The following FADS3 variants were observed in gnomAD, a reference collection of about 807,000 sequenced individuals.
FADS3 encodes cytochrome b5-related protein.
A neutral mutation model predicts 60.4 loss-of-function variants in FADS3; 30 were observed. The observed-to-expected ratio is 0.50, with a 90% CI of 0.37 to 0.67. The LOEUF (loss-of-function observed/expected upper bound fraction) is 0.67. FADS3 is among the 30% of genes least tolerant of loss of function. The pLI is 0.00. For synonymous variants in FADS3, 234 were observed against 249.3 expected (o/e 0.94, Z 0.58); for missense variants, 432 against 598.3 (o/e 0.72, Z 2.90).
intron 5 of FADS3, 136 bp from the exon 6 acceptor site, chr11:61,878,351 A>C: frequency 7.4e-7 from 1 of 1,358,246 alleles, no homozygotes; most frequent in Non-Finnish European, 1.0e-6. Flanking sequence ...CGTCCCCAGC[A>C]GGTTGGGAGG....
At chr11:61,880,017 G>C in intron 2 of FADS3, 24 bp downstream of exon 2, 1 of 1,583,010 alleles carries the variant, frequency 6.3e-7, no homozygotes. Context: ...CAGGGGCTGA[G>C]CCTCTCCTAG....
intron 1 of FADS3, among the ~76,000 whole-genome samples, chr11:61,886,060 C>T (rs1282728287): frequency 1.3e-5 from 2 of 152,090 alleles, no homozygotes; most frequent in African/African-American, 2.4e-5. Flanking sequence ...GCCTGTGTAG[C>T]GGAGCCCAAG....
intron 11 of FADS3, among the ~76,000 whole-genome samples, chr11:61,875,525 A>G (rs1311514917): frequency 6.6e-6 from 1 of 150,392 alleles, no homozygotes; most frequent in African/African-American, 2.5e-5. Flanking sequence ...GAGCCACCGC[A>G]CCCGGCCCTG....
At chr11:61,890,789 G>T (rs889296125) in intron 1 of FADS3, among the ~76,000 whole-genome samples, 3 of 152,178 alleles carry the variant, frequency 2.0e-5, no homozygotes, top group Non-Finnish European at 4.4e-5. Flanking sequence ...CCGGCCCCTG[G>T]GGACCCTGCC....
Position 61,891,234 on chromosome 11 carries a change from G to T in FADS3, c.148C>A (p.Arg50Ser). The change falls in exon 1 of 12, where the codon CGC becomes AGC. Residue 50 changes from arginine (R) to serine (S), a missense_variant. Coordinates refer to ENST00000278829, the MANE Select transcript of FADS3 (RefSeq NM_021727.5). The stretch of plus-strand genomic sequence containing the variant: ...CCCCCTGGGTGCCGCTGTGCCCAGC[G>T]GCTGATGTCGTAGACGCGGCGCTCG... Reference protein sequence around the residue: ...VIERRVYDISRWAQRHPGGSR... With the variant: ...VIERRVYDISSWAQRHPGGSR... 6.4e-7 allele frequency: 1 copy of T among 1,550,880 alleles called. No individual in the cohort carries two copies. The highest frequency in any genetic ancestry group is 8.7e-7 in the Non-Finnish European group (1 of 1,149,352).
chr11:61,891,293 G>A lies in FADS3; in HGVS notation c.89C>T (p.Ala30Val). The part of the protein sequence containing the change: ...LPTFCWEQIR[A>V]HDQPGDKWLV... ...CCACTTGTCGCCGGGCTGGTCGTGC[G>A]CGCGGATCTGCTCCCAGCAGAAGGT... The change falls in exon 1 of 12, where the codon GCG (alanine) becomes GTG (valine). Residue 30 changes from alanine to valine, a missense_variant. Transcript: ENST00000278829. 6.5e-7 allele frequency: 1 copy of A among 1,535,134 alleles called. No individual in the cohort carries two copies.
At position 61,876,164 on chromosome 11, in the gene FADS3, G is replaced by T; in HGVS notation, c.1107C>A (p.Pro369=). 6.2e-7 allele frequency: 1 copy of T among 1,606,684 alleles called. No individual in the cohort carries two copies. ...CGCTGAACCAGTTGGTGAAAAGTGA[G>T]GGCTCCACGTTGCAGGTGGCTGCCA... ...SQLAATCNVE[P]SLFTNWFSGH... The change falls in exon 10 of 12, where the codon CCC becomes CCA. Residue 369 remains proline, a synonymous_variant. Coordinates refer to ENST00000278829, the MANE Select transcript of FADS3 (RefSeq NM_021727.5). This position sits in a 1 kb window ranked among gnomAD's most constrained non-coding sequence, Gnocchi z 5.7.
chr11:61,879,187 A>T, intron 3 of FADS3, 125 bp downstream of exon 3: 1 of 863,908 alleles, frequency 1.2e-6, no homozygotes, highest in South Asian at 1.7e-5. Flanking sequence ...TCATCTGTTT[A>T]TTCATCCATT....
At chr11:61,879,879 C>T (rs1347038750) in intron 2 of FADS3, among the ~76,000 whole-genome samples, 162 bp downstream of exon 2, 1 of 152,242 alleles carries the variant, frequency 6.6e-6, no homozygotes, top group African/African-American at 2.4e-5. Context: ...GCTTCACTTT[C>T]AACTGCCTGC....
chr11:61,890,654 C>T (rs550062459), intron 1 of FADS3, among the ~76,000 whole-genome samples: 2 of 152,300 alleles, frequency 1.3e-5, no homozygotes, highest in South Asian at 4.1e-4. Flanking sequence ...GCTGGCAAAG[C>T]CCTCCCACGT....
At position 61,877,033 on chromosome 11, in the gene FADS3, G is replaced by A. The variant is rs1019204703; in HGVS notation, c.886-70C>T. 6.2e-6 allele frequency: 7 copies of A among 1,130,184 alleles called. No individual in the cohort carries two copies. The highest frequency in any genetic ancestry group is 8.8e-6 in the Non-Finnish European group (7 of 798,658). 70.0% of individuals were successfully genotyped at this position (1,130,184 alleles called of 1,614,324 possible). A position where few individuals can be genotyped will look rare whatever the true frequency, so the allele number is the denominator to read the frequency against. On this transcript the variant is annotated intron_variant, in intron 7 of 11. Transcript: ENST00000278829. The surrounding 1 kb of genome is among the most constrained non-coding windows in gnomAD (Gnocchi z 4.7). ...CGGAGGTCTGGAGGCCTGGTGGGTG[G>A]GAGGAGGACCTCAGGCATCCAACCC...
At chr11:61,890,838 G>C (rs1009873642) in intron 1 of FADS3, among the ~76,000 whole-genome samples, 1 of 152,180 alleles carries the variant, frequency 6.6e-6, no homozygotes, top group Non-Finnish European at 1.5e-5. Context: ...CCCAGCATGG[G>C]GACCCAGAAC....
intron 2 of FADS3, 43 bp from the exon 3 acceptor site, chr11:61,879,552 C>T: frequency 6.5e-7 from 1 of 1,534,070 alleles, no homozygotes; most frequent in Non-Finnish European, 8.8e-7. Context: ...AGAAATTCCT[C>T]CCCACCCCCA....
In FADS3 at chr11:61,876,345, C is replaced by T; in HGVS notation, c.1080+14G>A. 6.2e-7 allele frequency: 1 copy of T among 1,609,776 alleles called. No homozygotes were observed. The highest frequency in any genetic ancestry group is 8.5e-7 in the Non-Finnish European group (1 of 1,177,712). ...CCCACCCCACCCAGGATGGGCCCCA[C>T]CCCTGCTGCCCACCTGAGAGCTGAC... is the stretch of plus-strand genomic sequence containing the variant. On this transcript the variant is annotated intron_variant, in intron 9 of 11. Transcript: ENST00000278829. This position sits in a 1 kb window ranked among gnomAD's most constrained non-coding sequence, Gnocchi z 5.7.
intron 11 of FADS3, 152 bp from the exon 12 acceptor site, chr11:61,874,017 T>C (rs1336126721): frequency 3.3e-6 from 2 of 604,364 alleles, no homozygotes; most frequent in Non-Finnish European, 6.0e-6. Flanking sequence ...GGCTGGAGGG[T>C]GGGTTGGGAG....
rs1449937016 is a variant in FADS3 at position 61,883,389 on chromosome 11, T to G, written c.214-3238A>C. 2.0e-5 allele frequency among the ~76,000 whole-genome samples: 3 copies of G among 152,204 alleles called. No individual in the cohort carries two copies. The East Asian group carries it at 5.8e-4, about 29-fold the overall frequency. The stretch of plus-strand genomic sequence containing the variant: ...GCAGCACGTGTCAGGATGTCCTACC[T>G]TTTTAAGGCTGAGCCAGCGTGATGG... On this transcript the variant is annotated intron_variant, in intron 1 of 11. Coordinates refer to ENST00000278829, the MANE Select transcript of FADS3 (RefSeq NM_021727.5).
chr11:61,874,082 G>A (rs1281322253), intron 11 of FADS3, among the ~76,000 whole-genome samples: 8 of 152,204 alleles, frequency 5.3e-5, no homozygotes, highest in South Asian at 2.1e-4. Flanking sequence ...GACGGGTGTC[G>A]GGTAGGGGAG....
intron 11 of FADS3, 77 bp from the exon 12 acceptor site, chr11:61,873,942 G>A (rs1937774140): frequency 8.3e-6 from 8 of 962,646 alleles, no homozygotes; most frequent in Non-Finnish European, 1.3e-5. Flanking sequence ...TATCCCCCAT[G>A]GTAAGTGTGA....
intron 1 of FADS3, 50 bp downstream of exon 1, chr11:61,891,119 G>A (rs764088148): frequency 1.2e-5 from 17 of 1,473,700 alleles, no homozygotes; most frequent in East Asian, 2.5e-5. Flanking sequence ...GCCCACGACC[G>A]AGCTCCAGGC....
Sources: gnomAD v4.1 joint callset for allele counts (sites outside exome capture counted in the v4.1 genomes callset) on GRCh38, gnomAD v4.1.1 for gene constraint, Gnocchi (gnomAD v3.1) non-coding constraint, MANE v1.5 for transcripts, NCBI Gene and HGNC (gene_info 2026-07-23, HGNC 2026-07-21) for gene names.